The following ERBB4 variants were observed in gnomAD, a reference collection of about 807,000 sequenced individuals.
ERBB4 encodes the protein erb-b2 receptor tyrosine kinase 4.
A neutral mutation model predicts 158.0 loss-of-function variants in ERBB4; 42 were observed. The observed-to-expected ratio is 0.27, with a 90% CI of 0.21 to 0.34. ERBB4 has a LOEUF of 0.34. Among genes scored for constraint, ERBB4 ranks in the 10% least tolerant of loss-of-function variants. The pLI is 1.00. For synonymous variants in ERBB4, 583 were observed against 558.7 expected (o/e 1.04, Z -0.61); for missense variants, 1,333 against 1,624.1 (o/e 0.82, Z 3.08).
intron 1 of ERBB4, among the ~76,000 whole-genome samples, chr2:212,386,135 CA>C (rs111875419): frequency 1.7e-3 from 236 of 137,276 alleles, no homozygotes; most frequent in Middle Eastern, 0.011. Flanking sequence ...TTTTAAAATA[CA>C]AAAAAAAAAA....
chr2:212,054,942 G>A (rs935089974), intron 2 of ERBB4, among the ~76,000 whole-genome samples: 2 of 152,136 alleles, frequency 1.3e-5, no homozygotes, highest in Non-Finnish European at 1.5e-5. Flanking sequence ...GGGGCTTGTA[G>A]GACAGTGGGG....
At chr2:211,712,933 T>C (rs1008342251) in intron 8 of ERBB4, among the ~76,000 whole-genome samples, 7 of 152,092 alleles carry the variant, frequency 4.6e-5, no homozygotes, top group African/African-American at 1.7e-4. Context: ...GATTTAGACT[T>C]TATTTTCATC....
chr2:211,517,404 T>C (rs2066065134), intron 20 of ERBB4, among the ~76,000 whole-genome samples: 1 of 152,190 alleles, frequency 6.6e-6, no homozygotes, highest in South Asian at 2.1e-4. Flanking sequence ...GTCATTTGGC[T>C]ACTTTGGATT....
chr2:212,317,056 A>G (rs1340863042), intron 1 of ERBB4, among the ~76,000 whole-genome samples: 1 of 151,520 alleles, frequency 6.6e-6, no homozygotes, highest in Non-Finnish European at 1.5e-5. Context: ...AAAATCCCAT[A>G]GTTAATGAAT....
chr2:211,571,718 C>A (rs568947731), intron 19 of ERBB4, among the ~76,000 whole-genome samples: 1 of 152,116 alleles, frequency 6.6e-6, no homozygotes, highest in South Asian at 2.1e-4. Context: ...TCACCAAATC[C>A]TTGTTGAATA....
rs558145144 is a variant in ERBB4 at position 212,129,779 on chromosome 2, T to C, written c.83-4876A>G. The stretch of plus-strand genomic sequence containing the variant: ...AACAAAATTAGATTAATCACAATAC[T>C]CTATTTGCCAAACATTCTAGTCTTT... On this transcript the variant is annotated intron_variant, in intron 1 of 27. Coordinates refer to ENST00000342788, the MANE Select transcript of ERBB4 (RefSeq NM_005235.3). Among the ~76,000 whole-genome samples, 29 of 152,196 alleles carry C rather than the reference T, an allele frequency of 1.9e-4. No individual in the cohort carries two copies. The East Asian group carries it at 5.4e-3, about 28-fold the overall frequency.
chr2:212,171,425 AG>A (rs1372766709), intron 1 of ERBB4, among the ~76,000 whole-genome samples: 1 of 152,008 alleles, frequency 6.6e-6, no homozygotes, highest in East Asian at 1.9e-4. Flanking sequence ...GAATGAATTA[AG>A]ACTCCAGGGG....
At chr2:211,859,820 A>G (rs1339277829) in intron 3 of ERBB4, among the ~76,000 whole-genome samples, 2 of 152,228 alleles carry the variant, frequency 1.3e-5, no homozygotes, top group African/African-American at 4.8e-5. Flanking sequence ...TCTGTAAGAC[A>G]CACTTCTTCA....
chr2:212,421,853 A>G (rs531202834), intron 1 of ERBB4, among the ~76,000 whole-genome samples: 5 of 152,226 alleles, frequency 3.3e-5, no homozygotes, highest in African/African-American at 1.2e-4. Flanking sequence ...TTCAACCACT[A>G]AAGTGAATCA....
chr2:211,817,822 T>G (rs1050190894), intron 3 of ERBB4, among the ~76,000 whole-genome samples: 1 of 152,134 alleles, frequency 6.6e-6, no homozygotes, highest in African/African-American at 2.4e-5. Context: ...CATCTTCAAT[T>G]GTACACATGA....
intron 24 of ERBB4, 141 bp from the exon 25 acceptor site, chr2:211,420,752 C>A: frequency 1.4e-6 from 1 of 739,366 alleles, no homozygotes; most frequent in South Asian, 1.6e-5. Flanking sequence ...GTCTTTAGCA[C>A]AACCACCGGC....
intron 19 of ERBB4, among the ~76,000 whole-genome samples, chr2:211,601,955 T>C (rs2068814488): frequency 6.6e-6 from 1 of 152,214 alleles, no homozygotes; most frequent in East Asian, 1.9e-4. Flanking sequence ...TACCTTTCAA[T>C]GTGTCCTCTG....
intron 2 of ERBB4, among the ~76,000 whole-genome samples, chr2:212,020,975 T>A (rs2076636109): frequency 6.6e-6 from 1 of 152,160 alleles, no homozygotes; most frequent in Non-Finnish European, 1.5e-5. Flanking sequence ...GAAGAGGTAA[T>A]CATAATGTAT....
intron 1 of ERBB4, among the ~76,000 whole-genome samples, chr2:212,294,169 G>T (rs2086324282): frequency 6.6e-6 from 1 of 151,818 alleles, no homozygotes; most frequent in African/African-American, 2.4e-5. Flanking sequence ...TTGCTGTTAA[G>T]AATATACAAA....
intron 4 of ERBB4, among the ~76,000 whole-genome samples, chr2:211,751,995 G>C (rs6749096): frequency 0.34 from 51,617 of 151,938 alleles, 8,886 homozygotes; most frequent in South Asian, 0.44. Context: ...AATTCTATTT[G>C]TGAAGTATTG....
chr2:211,714,898 C>T (rs910387592), intron 7 of ERBB4, among the ~76,000 whole-genome samples: 3 of 152,186 alleles, frequency 2.0e-5, no homozygotes, highest in Admixed American at 6.5e-5. Context: ...CACCACTGGG[C>T]TGGCCCCTCT....
chr2:211,634,704 T>C (rs1221911287), intron 16 of ERBB4, among the ~76,000 whole-genome samples: 1 of 152,174 alleles, frequency 6.6e-6, no homozygotes. Flanking sequence ...AGATGGAGTC[T>C]TGCTCTGTTG....
At chr2:212,494,564 C>G (rs903180645) in intron 1 of ERBB4, among the ~76,000 whole-genome samples, 5 of 151,864 alleles carry the variant, frequency 3.3e-5, no homozygotes, top group Non-Finnish European at 7.4e-5. Flanking sequence ...TCATTAATCC[C>G]CAGGAAATGC....
chr2:212,134,630 T>C lies in ERBB4; in HGVS notation c.83-9727A>G, dbSNP rs561735092. Among the ~76,000 whole-genome samples the C allele has an allele frequency of 6.5e-4, 98 of 151,852 alleles. 1 individual carries two copies. The highest frequency in any genetic ancestry group is 2.1e-3 in the African/African-American group (88 of 41,508). ...TATCTTCTACCACTGTTTTATTGAT[T>C]CCCAAAGTGATAAAACGTAGACTGC... On this transcript the variant is annotated intron_variant, in intron 1 of 27. Coordinates refer to ENST00000342788, the MANE Select transcript of ERBB4 (RefSeq NM_005235.3).
Sources: allele counts gnomAD v4.1 joint callset (sites outside exome capture counted in the v4.1 genomes callset), GRCh38; gene constraint gnomAD v4.1.1; transcripts MANE v1.5; gene names NCBI Gene and HGNC (gene_info 2026-07-23, HGNC 2026-07-21).